MAN1A2: variants seen among roughly 807,000 people sequenced by gnomAD.
MAN1A2 encodes the protein mannosyl-oligosaccharide 1,2-alpha-mannosidase IB.
MAN1A2 carries 26 observed loss-of-function variants against 75.7 expected under a neutral mutation model. The ratio of observed to expected loss-of-function variants is 0.34; its 90% CI spans 0.25 to 0.48. The LOEUF (loss-of-function observed/expected upper bound fraction) is 0.48, where lower values mean the gene tolerates loss of function less well. Ranked by LOEUF, MAN1A2 falls within the 20% of genes least tolerant of loss-of-function variation. The pLI is 0.99. For synonymous variants in MAN1A2, 247 were observed against 264.6 expected (o/e 0.93, Z 0.65); for missense variants, 562 against 775.5 (o/e 0.72, Z 3.27).
chr1:117,410,052 T>C (rs893400841), intron 3 of MAN1A2, among the ~76,000 whole-genome samples: 16 of 151,968 alleles, frequency 1.1e-4, no homozygotes, highest in African/African-American at 3.9e-4. Flanking sequence ...AAATTATCTC[T>C]AGATTACTTA....
chr1:117,492,722 AT>A (rs1369790238), intron 8 of MAN1A2, among the ~76,000 whole-genome samples: 2 of 152,062 alleles, frequency 1.3e-5, no homozygotes, highest in African/African-American at 4.8e-5. Context: ...ACCATTAACC[AT>A]TGTATAGGAA....
At position 117,470,020 on chromosome 1, in the gene MAN1A2, T is replaced by A. The variant is rs532884689; in HGVS notation, c.1168+3593T>A. On this transcript the variant is annotated intron_variant, in intron 8 of 12. Transcript: ENST00000356554. Reference sequence around the variant, plus strand: ...ACTCAAACAGATACTTGTAGCCTAGTGTTCATTACATTATTTATGATATCC... The same window carrying A: ...ACTCAAACAGATACTTGTAGCCTAGAGTTCATTACATTATTTATGATATCC... Among the ~76,000 whole-genome samples, 3 of 152,268 alleles carry A rather than the reference T, an allele frequency of 2.0e-5. No individual in the cohort carries two copies. The East Asian group carries it at 5.8e-4, about 29-fold the overall frequency.
At chr1:117,513,925 A>G (rs1456995423) in intron 12 of MAN1A2, among the ~76,000 whole-genome samples, 1 of 152,188 alleles carries the variant, frequency 6.6e-6, no homozygotes, top group Non-Finnish European at 1.5e-5. Flanking sequence ...AACATATTGT[A>G]GTATTGTAAA....
At chr1:117,384,112 C>G (rs1394425685) in intron 1 of MAN1A2, among the ~76,000 whole-genome samples, 1 of 152,066 alleles carries the variant, frequency 6.6e-6, no homozygotes, top group Non-Finnish European at 1.5e-5. Flanking sequence ...TATTGTTTTT[C>G]TATTCTCTGT....
intron 8 of MAN1A2, among the ~76,000 whole-genome samples, chr1:117,491,252 G>A (rs1217960271): frequency 6.6e-6 from 1 of 152,016 alleles, no homozygotes. Flanking sequence ...TTTCAAGGAC[G>A]GGCTGACTCT....
chr1:117,390,220 C>CAA (rs1346650139), intron 1 of MAN1A2, among the ~76,000 whole-genome samples: 3 of 152,020 alleles, frequency 2.0e-5, no homozygotes, highest in Admixed American at 2.0e-4. Context: ...TTGATTTTTA[C>CAA]CTAAATGCTT....
intron 6 of MAN1A2, among the ~76,000 whole-genome samples, chr1:117,449,889 G>T (rs1649351206): frequency 6.6e-6 from 1 of 152,226 alleles, no homozygotes; most frequent in Non-Finnish European, 1.5e-5. Flanking sequence ...TGAGGAAGCT[G>T]CAGGAGAAAA....
At chr1:117,433,179 A>G (rs1419819171) in intron 5 of MAN1A2, among the ~76,000 whole-genome samples, 5 of 152,032 alleles carry the variant, frequency 3.3e-5, no homozygotes, top group Non-Finnish European at 7.4e-5. Flanking sequence ...CAATCCAAAA[A>G]CCTGAAATGC....
At position 117,520,087 on chromosome 1, in the gene MAN1A2, A is replaced by G. The variant is rs145908199; in HGVS notation, c.1794-2738A>G. ...AACTAAAAATCACATGATCATCTCA[A>G]TAGATTCAGAAAAAGCATTTGGCAA... On this transcript the variant is annotated intron_variant, in intron 12 of 12. Coordinates refer to ENST00000356554, the MANE Select transcript of MAN1A2 (RefSeq NM_006699.5). 5.5e-3 allele frequency among the ~76,000 whole-genome samples: 844 copies of G among 152,218 alleles called. 11 individuals are homozygous for G. The highest frequency in any genetic ancestry group is 0.016 in the African/African-American group (653 of 41,530).
chr1:117,457,665 T>C (rs751322797), intron 6 of MAN1A2, among the ~76,000 whole-genome samples: 3 of 152,182 alleles, frequency 2.0e-5, no homozygotes, highest in Admixed American at 6.5e-5. Context: ...CTAAGTTTTG[T>C]TTTTATACTT....
chr1:117,397,453 GC>G (rs1385688071), intron 1 of MAN1A2, among the ~76,000 whole-genome samples: 3 of 151,896 alleles, frequency 2.0e-5, no homozygotes, highest in African/African-American at 7.3e-5. Context: ...AATGTACTTT[GC>G]ACCTGTGGAG....
chr1:117,438,774 G>A (rs764751443), intron 5 of MAN1A2, among the ~76,000 whole-genome samples: 1 of 152,168 alleles, frequency 6.6e-6, no homozygotes, highest in East Asian at 1.9e-4. Context: ...GTCATAGGCT[G>A]TACCATATAA....
intron 5 of MAN1A2, among the ~76,000 whole-genome samples, chr1:117,434,702 G>A (rs7539143): frequency 0.79 from 120,369 of 151,634 alleles, 48,344 homozygotes; most frequent in African/African-American, 0.92. Flanking sequence ...TGTGCTTGAT[G>A]TATTCAGTGA....
At position 117,500,460 on chromosome 1, in the gene MAN1A2, G is replaced by A. The variant is rs1409336241; in HGVS notation, c.1677+906G>A. ...TGCTAAATGTTTTATAAGGGGGAAG[G>A]AACTCCTGAAGGCTTTTTTCAGTGG... On this transcript the variant is annotated intron_variant, in intron 11 of 12. Coordinates refer to ENST00000356554, the MANE Select transcript of MAN1A2 (RefSeq NM_006699.5). Among the ~76,000 whole-genome samples the A allele has an allele frequency of 9.9e-4, 151 of 151,984 alleles. 2 individuals are homozygous for A. Among genetic ancestry groups the A allele is most frequent in the Non-Finnish European group, 1.2e-4 (8 of 67,912 alleles).
intron 1 of MAN1A2, among the ~76,000 whole-genome samples, chr1:117,386,768 A>AGTCCCTGTTTCTAGAG (rs1557929192): frequency 6.6e-6 from 1 of 151,776 alleles, no homozygotes; most frequent in African/African-American, 2.4e-5. Context: ...CTGTCTCTAG[A>AGTCCCTGTTTCTAGAG]AAAAAATAAA....
intron 5 of MAN1A2, 29 bp downstream of exon 5, chr1:117,420,678 G>GA: frequency 6.8e-7 from 1 of 1,465,868 alleles, no homozygotes; most frequent in Non-Finnish European, 9.6e-7. Context: ...TGCATTGTTT[G>GA]TTTTGGAGGG....
chr1:117,520,071 TC>T (rs1651826621), intron 12 of MAN1A2, among the ~76,000 whole-genome samples: 1 of 151,548 alleles, frequency 6.6e-6, no homozygotes, highest in African/African-American at 2.4e-5. Context: ...GAACTAAAAA[TC>T]ACATGATCAT....
At chr1:117,488,630 T>C (rs994486757) in intron 8 of MAN1A2, among the ~76,000 whole-genome samples, 16 of 152,024 alleles carry the variant, frequency 1.1e-4, no homozygotes, top group African/African-American at 3.9e-4. Flanking sequence ...ATGCCAGAAA[T>C]GTACTATAGT....
intron 1 of MAN1A2, among the ~76,000 whole-genome samples, chr1:117,374,059 G>A (rs7539337): frequency 6.6e-6 from 1 of 152,102 alleles, no homozygotes; most frequent in Admixed American, 6.5e-5. Flanking sequence ...TATGTGGGAG[G>A]TGGAGGTGGG....
Sources: allele counts gnomAD v4.1 joint callset (sites outside exome capture counted in the v4.1 genomes callset), GRCh38; gene constraint gnomAD v4.1.1; transcripts MANE v1.5; gene names NCBI Gene and HGNC (gene_info 2026-07-23, HGNC 2026-07-21).